FNIP2: variants seen among roughly 807,000 people sequenced by gnomAD.
FNIP2 encodes folliculin interacting protein 2, also known as folliculin-interacting protein 2.
FNIP2 carries 32 observed loss-of-function variants against 108.7 expected under a neutral mutation model. The ratio of observed to expected loss-of-function variants is 0.29; its 90% CI spans 0.22 to 0.40. The LOEUF is 0.40. Ranked by LOEUF, FNIP2 falls within the 10% of genes least tolerant of loss-of-function variation. The pLI is 1.00. For synonymous variants in FNIP2, 480 were observed against 496.7 expected, an observed-to-expected ratio of 0.97 and a Z score of 0.45; for missense variants, 1,202 against 1,381.6, an observed-to-expected ratio of 0.87 and a Z score of 2.06.
intron 9 of FNIP2, 101 bp downstream of exon 9, chr4:158,859,359 G>A (rs1180043391): frequency 3.1e-6 from 4 of 1,306,754 alleles, no homozygotes; most frequent in Admixed American, 2.2e-5. Context: ...TCCTAAGGAA[G>A]TTAAATCACC....
intron 1 of FNIP2, among the ~76,000 whole-genome samples, chr4:158,818,840 G>A (rs565752758): frequency 1.3e-5 from 2 of 152,304 alleles, no homozygotes; most frequent in South Asian, 4.1e-4. Context: ...AAAGCTCAGC[G>A]CTAGGGTTGG....
At chr4:158,875,515 G>GAGATATAT (rs1553964261) in intron 14 of FNIP2, among the ~76,000 whole-genome samples, 2 of 112,008 alleles carry the variant, frequency 1.8e-5, no homozygotes, top group South Asian at 2.9e-4. Flanking sequence ...GCCTGGCTGT[G>GAGATATAT]ATATATATAT....
chr4:158,811,144 C>G (rs1295182224), intron 1 of FNIP2, among the ~76,000 whole-genome samples: 3 of 152,142 alleles, frequency 2.0e-5, no homozygotes, highest in Non-Finnish European at 4.4e-5. Context: ...TGGGAATATT[C>G]TTATCTTTTA....
chr4:158,777,265 T>A (rs1775892372), intron 1 of FNIP2, among the ~76,000 whole-genome samples: 1 of 152,226 alleles, frequency 6.6e-6, no homozygotes, highest in Admixed American at 6.5e-5. Context: ...CATTATGGAA[T>A]GAAATGAGCA....
chr4:158,831,979 T>A lies in FNIP2; in HGVS notation c.482+18T>A, dbSNP rs1163622559. 2 of 1,605,100 alleles carry A rather than the reference T, an allele frequency of 1.2e-6. No homozygotes were observed. The highest frequency in any genetic ancestry group is 1.1e-5 in the South Asian group (1 of 90,290). ...TACATACGGTGAGTCTGGGCTTCCT[T>A]TTCTACTAGTTTTGAGAAGTGGAAC... is the stretch of plus-strand genomic sequence containing the variant. On this transcript the variant is annotated intron_variant, in intron 4 of 16. Transcript: ENST00000264433.
chr4:158,859,117 T>G lies in FNIP2; in HGVS notation c.918T>G (p.Val306=). 1 of 1,614,000 alleles carries G rather than the reference T, an allele frequency of 6.2e-7. No individual in the cohort carries two copies. ...EETCSSNPAM[V]RRKKIAISII... ...CCTGTAGCTCTAATCCAGCTATGGT[T>G]AGGAGGAAGAAAATTGCCATAAGCA... is the stretch of plus-strand genomic sequence containing the variant. The change falls in exon 9 of 17, where the codon GTT becomes GTG. Residue 306 remains valine (V), a synonymous_variant. Transcript: ENST00000264433.
intron 15 of FNIP2, chr4:158,893,541 C>T: frequency 3.5e-6 from 2 of 579,622 alleles, no homozygotes; most frequent in Admixed American, 3.1e-5. Context: ...ACCTTTTTTC[C>T]AAACTGTTTA....
At chr4:158,865,163 TA>T (rs1410665112) in intron 12 of FNIP2, among the ~76,000 whole-genome samples, 2 of 152,240 alleles carry the variant, frequency 1.3e-5, no homozygotes, top group Non-Finnish European at 2.9e-5. Context: ...TTTAAATTTT[TA>T]TTTTTAATTG....
chr4:158,822,148 A>G (rs1777919058), intron 1 of FNIP2, among the ~76,000 whole-genome samples: 1 of 151,186 alleles, frequency 6.6e-6, no homozygotes, highest in Non-Finnish European at 1.5e-5. Context: ...GACAGTATTC[A>G]TATGTAAGAA....
intron 1 of FNIP2, among the ~76,000 whole-genome samples, chr4:158,820,069 A>G (rs1430837271): frequency 6.6e-6 from 1 of 152,192 alleles, no homozygotes; most frequent in East Asian, 1.9e-4. Context: ...TATTTTTGCC[A>G]GTTTTTGTTG....
chr4:158,789,007 C>G (rs1776312426), intron 1 of FNIP2, among the ~76,000 whole-genome samples: 1 of 152,100 alleles, frequency 6.6e-6, no homozygotes, highest in African/African-American at 2.4e-5. Context: ...CCATTTTTTC[C>G]AACTCCAGGG....
chr4:158,902,998 C>G (rs1378027877), intron 16 of FNIP2, among the ~76,000 whole-genome samples: 1 of 152,164 alleles, frequency 6.6e-6, no homozygotes, highest in Non-Finnish European at 1.5e-5. Flanking sequence ...GTGAACCGTT[C>G]TGTCTCGCTA....
At chr4:158,880,216 G>A (rs1781509006) in intron 14 of FNIP2, among the ~76,000 whole-genome samples, 1 of 151,850 alleles carries the variant, frequency 6.6e-6, no homozygotes, top group South Asian at 2.1e-4. Flanking sequence ...ATAATAGACT[G>A]GATTAAGAAA....
chr4:158,815,537 C>T (rs1007068612), intron 1 of FNIP2, among the ~76,000 whole-genome samples: 2 of 152,052 alleles, frequency 1.3e-5, no homozygotes, highest in Non-Finnish European at 2.9e-5. Context: ...CGCCCGCCAC[C>T]ACGCCCAGCT....
chr4:158,839,774 G>A (rs1004268461), intron 7 of FNIP2, among the ~76,000 whole-genome samples: 1 of 152,124 alleles, frequency 6.6e-6, no homozygotes, highest in Non-Finnish European at 1.5e-5. Flanking sequence ...GGGTTGGGGT[G>A]AGTATTTTGA....
chr4:158,778,499 C>T (rs1775929733), intron 1 of FNIP2, among the ~76,000 whole-genome samples: 1 of 152,176 alleles, frequency 6.6e-6, no homozygotes, highest in African/African-American at 2.4e-5. Flanking sequence ...ATCATATAGG[C>T]ATTTGTCATC....
chr4:158,841,880 G>T (rs758256495), intron 7 of FNIP2, among the ~76,000 whole-genome samples: 2 of 152,240 alleles, frequency 1.3e-5, no homozygotes, highest in Non-Finnish European at 2.9e-5. Flanking sequence ...TGTTGGTGTT[G>T]TCCTTTTTGA....
chr4:158,852,742 G>A (rs757569053), intron 8 of FNIP2, among the ~76,000 whole-genome samples: 3 of 152,104 alleles, frequency 2.0e-5, no homozygotes, highest in Non-Finnish European at 2.9e-5. Context: ...AGACGGCATC[G>A]CCACCATCCT....
intron 1 of FNIP2, among the ~76,000 whole-genome samples, chr4:158,787,007 A>AT (rs1366082366): frequency 3.3e-5 from 5 of 151,158 alleles, no homozygotes; most frequent in Non-Finnish European, 5.9e-5. Flanking sequence ...TAAGTCTGTG[A>AT]CTTTTTGAAT....
Sources: allele counts gnomAD v4.1 joint callset (sites outside exome capture counted in the v4.1 genomes callset), GRCh38; gene constraint gnomAD v4.1.1; transcripts MANE v1.5; gene names NCBI Gene and HGNC (gene_info 2026-07-23, HGNC 2026-07-21).